ZNF385B: variants seen among roughly 807,000 people sequenced by gnomAD.
ZNF385B encodes zinc finger protein 385B.
In ZNF385B, 23 loss-of-function variants were observed where a neutral mutation model predicts 39.2. That is an observed-to-expected ratio of 0.59 (90% CI 0.42 to 0.83). The LOEUF is 0.83. Among genes scored for constraint, ZNF385B ranks in the 40% least tolerant of loss-of-function variants. The pLI, the probability that ZNF385B is intolerant of heterozygous loss-of-function variation, is 0.00. For missense variants in ZNF385B, 552 were observed against 598.9 expected (o/e 0.92, Z 0.82); for synonymous variants, 205 against 222.6 (o/e 0.92, Z 0.70).
In ZNF385B at chr2:179,459,317, A is replaced by C. The variant is rs531614236; in HGVS notation, c.716-12547T>G. On this transcript the variant is annotated intron_variant, in intron 6 of 9. Transcript: ENST00000410066. The stretch of plus-strand genomic sequence containing the variant: ...ATGGCAAAGATTTAGAAATTACAAT[A>C]AGTGGGGCAGATACAATATAGGCAT... 1.3e-3 allele frequency among the ~76,000 whole-genome samples: 193 copies of C among 152,360 alleles called. 1 individual carries two copies. Among genetic ancestry groups the C allele is most frequent in the Middle Eastern group, 0.01 (3 of 294 alleles).
At chr2:179,641,225 A>G (rs770395637) in intron 3 of ZNF385B, among the ~76,000 whole-genome samples, 3 of 152,050 alleles carry the variant, frequency 2.0e-5, no homozygotes, top group Non-Finnish European at 4.4e-5. Flanking sequence ...ATAGTCTTCA[A>G]TCATATTCCT....
At chr2:179,677,673 C>T (rs1575199180) in intron 3 of ZNF385B, among the ~76,000 whole-genome samples, 1 of 152,244 alleles carries the variant, frequency 6.6e-6, no homozygotes, top group African/African-American at 2.4e-5. Context: ...AAGGGCAGAG[C>T]CAAACCTATG....
chr2:179,833,289 C>T (rs1335637776), intron 1 of ZNF385B, among the ~76,000 whole-genome samples: 1 of 152,006 alleles, frequency 6.6e-6, no homozygotes, highest in African/African-American at 2.4e-5. Flanking sequence ...ATAAAATGTT[C>T]TTTTAAGTTT....
chr2:179,446,708 A>G lies in ZNF385B; in HGVS notation c.778T>C (p.Phe260Leu), dbSNP rs1483594248. 2 of 1,614,124 alleles carry G rather than the reference A, an allele frequency of 1.2e-6. No individual in the cohort carries two copies. ...GGTGTTGTGCCAGATTTGAGGAGAA[A>G]TGAGCCACTTTCAGAGCTTGATGGC... ...SQPSSSESGS[F>L]LLKSGTTPLP... Residue 260 changes from phenylalanine (F) to leucine (L), a missense_variant, in exon 7 of 10, where the codon TTT becomes CTT. Phe to Leu is a conservative substitution (Grantham distance 22). Coordinates refer to ENST00000410066, the MANE Select transcript of ZNF385B (RefSeq NM_152520.6).
intron 4 of ZNF385B, among the ~76,000 whole-genome samples, chr2:179,540,317 A>G (rs1370699896): frequency 6.6e-6 from 1 of 152,096 alleles, no homozygotes; most frequent in South Asian, 2.1e-4. Context: ...GTGGTGGCGC[A>G]TGACTGTAAT....
chr2:179,663,972 G>C (rs1314941428), intron 3 of ZNF385B, among the ~76,000 whole-genome samples: 1 of 151,806 alleles, frequency 6.6e-6, no homozygotes, highest in East Asian at 1.9e-4. Context: ...TGAGGCAGCA[G>C]AATTAAACTA....
intron 1 of ZNF385B, among the ~76,000 whole-genome samples, chr2:179,788,428 T>C (rs541168524): frequency 6.6e-6 from 1 of 152,264 alleles, no homozygotes; most frequent in African/African-American, 2.4e-5. Flanking sequence ...AAATGTAACA[T>C]GCTCAAGAGT....
At position 179,617,644 on chromosome 2, in the gene ZNF385B, T is replaced by TG. The variant is rs146725292; in HGVS notation, c.299-72676dup. Among the ~76,000 whole-genome samples, 1,252 of 152,280 alleles carry TG rather than the reference T, an allele frequency of 8.2e-3. 17 individuals are homozygous for TG. The highest frequency in any genetic ancestry group is 0.029 in the African/African-American group (1,211 of 41,552). On this transcript the variant is annotated intron_variant, in intron 3 of 9. Coordinates refer to ENST00000410066, the MANE Select transcript of ZNF385B (RefSeq NM_152520.6). ...TACGCCTAGGAGGAGGCCTGAAAACTGGCCTTTCTTACAAGTCCTCATGTG... is the reference window on the plus strand; with the variant it reads ...TACGCCTAGGAGGAGGCCTGAAAACTGGGCCTTTCTTACAAGTCCTCATGTG...
At chr2:179,767,989 G>A (rs190643563) in intron 3 of ZNF385B, among the ~76,000 whole-genome samples, 19 of 149,940 alleles carry the variant, frequency 1.3e-4, no homozygotes, top group African/African-American at 4.6e-4. Context: ...TCGCTCTATT[G>A]CTCAGGCTGG....
intron 3 of ZNF385B, chr2:179,745,739 C>A: frequency 6.5e-7 from 1 of 1,543,466 alleles, no homozygotes; most frequent in Non-Finnish European, 8.7e-7. Context: ...ACTCCACATC[C>A]TGGCAGGGCT....
chr2:179,560,893 T>C (rs1307548302), intron 3 of ZNF385B, among the ~76,000 whole-genome samples: 1 of 152,228 alleles, frequency 6.6e-6, no homozygotes, highest in Non-Finnish European at 1.5e-5. Context: ...TTAGACCATA[T>C]CTCTAGTTCT....
intron 3 of ZNF385B, among the ~76,000 whole-genome samples, chr2:179,712,493 C>G (rs1246067098): frequency 1.3e-5 from 2 of 152,104 alleles, no homozygotes; most frequent in Non-Finnish European, 2.9e-5. Flanking sequence ...TTCACCATGG[C>G]TCTCATCTTC....
intron 1 of ZNF385B, among the ~76,000 whole-genome samples, chr2:179,794,953 T>C (rs1215405645): frequency 1.3e-5 from 2 of 151,938 alleles, no homozygotes; most frequent in East Asian, 3.9e-4. Context: ...GGGAAGAGTA[T>C]GTGAGGAGGA....
intron 3 of ZNF385B, among the ~76,000 whole-genome samples, chr2:179,670,560 T>C (rs1695846879): frequency 6.6e-6 from 1 of 152,188 alleles, no homozygotes; most frequent in Non-Finnish European, 1.5e-5. Flanking sequence ...ATTCATTTAA[T>C]GTACATTTAT....
At chr2:179,783,681 C>A (rs1035810731) in intron 1 of ZNF385B, among the ~76,000 whole-genome samples, 2 of 152,064 alleles carry the variant, frequency 1.3e-5, no homozygotes, top group African/African-American at 4.8e-5. Context: ...ATACCAGTCA[C>A]TTCTCAAAAG....
intron 6 of ZNF385B, among the ~76,000 whole-genome samples, chr2:179,455,721 C>A (rs193212897): frequency 6.4e-4 from 91 of 142,018 alleles, no homozygotes; most frequent in Non-Finnish European, 1.3e-3. Context: ...AATCCCGTCT[C>A]TACCAAAAAT....
At chr2:179,760,639 T>C (rs151164729) in intron 3 of ZNF385B, among the ~76,000 whole-genome samples, 626 of 152,278 alleles carry the variant, frequency 4.1e-3, no homozygotes, top group Middle Eastern at 0.014. Flanking sequence ...AAAAGGCTCA[T>C]TGCAGATGTG....
rs542207038 is a variant in ZNF385B at position 179,853,088 on chromosome 2, T to C, written c.-155+8013A>G. On this transcript the variant is annotated intron_variant, in intron 1 of 9. Transcript: ENST00000410066. ...GCTCTTTGGTAATCCTCCCCATAGT[T>C]TGCCAATTATATCTTTCTCTTACAA... Among the ~76,000 whole-genome samples, 306 of 152,320 alleles carry C rather than the reference T, an allele frequency of 2.0e-3. 2 individuals are homozygous for C. The highest frequency in any genetic ancestry group is 0.01 in the Middle Eastern group (3 of 294).
intron 3 of ZNF385B, among the ~76,000 whole-genome samples, chr2:179,680,783 A>AT (rs942061624): frequency 8.5e-5 from 13 of 152,112 alleles, no homozygotes; most frequent in African/African-American, 3.1e-4. Context: ...TACCCTAATT[A>AT]TTAAAAGTAG....
Sources: allele counts gnomAD v4.1 joint callset (sites outside exome capture counted in the v4.1 genomes callset), GRCh38; gene constraint gnomAD v4.1.1; transcripts MANE v1.5; gene names NCBI Gene and HGNC (gene_info 2026-07-23, HGNC 2026-07-21).